The following DNMT3L variants were observed in gnomAD, a reference collection of about 807,000 sequenced individuals.
The protein encoded by DNMT3L is DNA (cytosine-5)-methyltransferase 3-like.
Under a neutral mutation model 36.2 loss-of-function variants are expected in DNMT3L, and 33 were observed. The observed-to-expected ratio is 0.91, with a 90% CI of 0.69 to 1.22. The LOEUF (loss-of-function observed/expected upper bound fraction) is 1.22. Ranked by LOEUF, DNMT3L falls within the 50% of genes most tolerant of loss-of-function variation. DNMT3L has a pLI of 0.00. For synonymous variants in DNMT3L, 117 were observed against 121.7 expected, an observed-to-expected ratio of 0.96 and a Z score of 0.26; for missense variants, 310 against 303.1, an observed-to-expected ratio of 1.02 and a Z score of -0.17.
intron 3 of DNMT3L, 122 bp downstream of exon 3, chr21:44,260,673 G>C (rs2040309252): frequency 7.8e-7 from 1 of 1,285,634 alleles, no homozygotes; most frequent in African/African-American, 1.5e-5. Context: ...GCCTAGGCTG[G>C]TCTCAAACTC....
chr21:44,256,717 G>A (rs1415547257), intron 6 of DNMT3L, among the ~76,000 whole-genome samples: 16 of 152,062 alleles, frequency 1.1e-4, no homozygotes, highest in Non-Finnish European at 2.4e-4. Flanking sequence ...GGTGAGCCTC[G>A]GGGCAGGTGA....
intron 8 of DNMT3L, among the ~76,000 whole-genome samples, chr21:44,254,416 G>A (rs1568914659): frequency 6.6e-6 from 1 of 152,230 alleles, no homozygotes; most frequent in Admixed American, 6.5e-5. Context: ...GGGCATCACA[G>A]TGGTGGCTGG....
intron 8 of DNMT3L, among the ~76,000 whole-genome samples, chr21:44,253,580 A>G (rs974185404): frequency 5.3e-5 from 8 of 152,126 alleles, no homozygotes; most frequent in African/African-American, 1.4e-4. Flanking sequence ...TTAGCTGGGC[A>G]TGGTGGCGGG....
chr21:44,256,501 G>C (rs1246978479), intron 6 of DNMT3L, among the ~76,000 whole-genome samples: 1 of 145,902 alleles, frequency 6.9e-6, no homozygotes, highest in Non-Finnish European at 1.5e-5. Context: ...TTGGCTCACT[G>C]CAACTTTCCG....
chr21:44,259,799 G>A (rs2040300552), intron 3 of DNMT3L, 88 bp from the exon 4 acceptor site: 1 of 1,389,016 alleles, frequency 7.2e-7, no homozygotes, highest in African/African-American at 1.4e-5. Context: ...AAACAAATAT[G>A]AGACTTATAC....
intron 2 of DNMT3L, 111 bp downstream of exon 2, chr21:44,261,043 C>T (rs371362613): frequency 1.4e-6 from 2 of 1,435,304 alleles, no homozygotes; most frequent in South Asian, 1.2e-5. Context: ...CTGCCCCAGC[C>T]CGGGTGCCTG....
chr21:44,260,042 G>T (rs956467553), intron 3 of DNMT3L, among the ~76,000 whole-genome samples: 2 of 110,360 alleles, frequency 1.8e-5, no homozygotes, highest in African/African-American at 4.1e-5. Flanking sequence ...GAGTGAGAGT[G>T]TGTCTCAAAA....
In DNMT3L at chr21:44,258,661, G is replaced by A. The variant is rs149547612; in HGVS notation, c.378C>T (p.Val126=). The stretch of plus-strand genomic sequence containing the variant: ...GCACCTTCCCCGAGGTCCCGGGGCC[G>A]ACCAGGCTATCCACACACTCGAAGC... ...CYCFECVDSL[V]GPGTSGKVHA... Residue 126 remains valine (V), a synonymous_variant, in exon 6 of 12, where the codon GTC becomes GTT. Transcript: ENST00000628202. This position sits in a 1 kb window ranked among gnomAD's most constrained non-coding sequence, Gnocchi z 6.2. The A allele has an allele frequency of 1.7e-5, 28 of 1,612,858 alleles. No homozygotes were observed. Among genetic ancestry groups the A allele is most frequent in the East Asian group, 1.3e-4 (6 of 44,878 alleles).
At chr21:44,257,700 AT>A (rs1288425367) in intron 6 of DNMT3L, among the ~76,000 whole-genome samples, 5,817 of 60,142 alleles carry the variant, frequency 0.097, 231 homozygotes, top group African/African-American at 0.18. Flanking sequence ...AAAAAAATAA[AT>A]AAATAAATAA....
chr21:44,258,725 A>C lies in DNMT3L; in HGVS notation c.345-31T>G, dbSNP rs761478896. ...GCCAGACAGAAAACCACAGCAGCGG[A>C]CATGACAGCCCACCTCTCCTGAGGA... On this transcript the variant is annotated intron_variant, in intron 5 of 11. Transcript: ENST00000628202. The surrounding 1 kb of genome is among the most constrained non-coding windows in gnomAD (Gnocchi z 6.2). 1.2e-6 allele frequency: 2 copies of C among 1,604,124 alleles called. No homozygotes were observed. Among genetic ancestry groups the C allele is most frequent in the African/African-American group, 2.7e-5 (2 of 74,756 alleles).
At chr21:44,254,213 C>T (rs1213087770) in intron 8 of DNMT3L, among the ~76,000 whole-genome samples, 3 of 152,234 alleles carry the variant, frequency 2.0e-5, no homozygotes, top group East Asian at 3.8e-4. Flanking sequence ...TCGGCCTCCT[C>T]ATTTTAGAGG....
chr21:44,254,733 A>G (rs942346275), intron 7 of DNMT3L, 28 bp from the exon 8 acceptor site: 1 of 1,612,884 alleles, frequency 6.2e-7, no homozygotes, highest in Non-Finnish European at 8.5e-7. Context: ...AGAAGGGCCC[A>G]GAGGGTGAGC....
At chr21:44,259,354 C>T in intron 5 of DNMT3L, 83 bp downstream of exon 5, 1 of 1,405,438 alleles carries the variant, frequency 7.1e-7, no homozygotes, top group Non-Finnish European at 9.9e-7. Context: ...GGAAGAAAAT[C>T]CACCCACACT....
At chr21:44,253,242 G>A (rs2040233093) in intron 8 of DNMT3L, among the ~76,000 whole-genome samples, 1 of 79,570 alleles carries the variant, frequency 1.3e-5, no homozygotes, top group African/African-American at 5.3e-5. Flanking sequence ...TAGCTCCCTG[G>A]GGACCACAGA....
intron 3 of DNMT3L, 37 bp downstream of exon 3, chr21:44,260,758 T>A: frequency 6.2e-7 from 1 of 1,612,904 alleles, no homozygotes. Context: ...GTGCCCCGTC[T>A]CTTTTGTCTG....
At chr21:44,257,852 C>T (rs1387152869) in intron 6 of DNMT3L, among the ~76,000 whole-genome samples, 1 of 152,172 alleles carries the variant, frequency 6.6e-6, no homozygotes, top group African/African-American at 2.4e-5. Flanking sequence ...ACGTGCCAGG[C>T]CTCTCCCCCA....
At chr21:44,261,463 G>A (rs572366785) in intron 1 of DNMT3L, among the ~76,000 whole-genome samples, 197 bp from the exon 2 acceptor site, 11 of 152,204 alleles carry the variant, frequency 7.2e-5, no homozygotes, top group Non-Finnish European at 1.3e-4. Context: ...GCCCTGAGAG[G>A]GGCTCAAGGG....
chr21:44,254,682 C>G lies in DNMT3L; in HGVS notation c.628G>C (p.Glu210Gln). The G allele has an allele frequency of 6.2e-7, 1 of 1,613,966 alleles. No individual in the cohort carries two copies. Among genetic ancestry groups the G allele is most frequent in the Non-Finnish European group, 8.5e-7 (1 of 1,179,962 alleles). The change falls in exon 8 of 12, where the codon GAA becomes CAA. Residue 210 changes from glutamate to glutamine, a missense_variant. Coordinates refer to ENST00000628202, the MANE Select transcript of DNMT3L (RefSeq NM_175867.3). ...AGTTGTCCCGGGTCAGAACCACTTTCCAAAAAGCCCAAACTCGTCAGCTCT... is the reference window on the plus strand; with the variant it reads ...AGTTGTCCCGGGTCAGAACCACTTTGCAAAAAGCCCAAACTCGTCAGCTCT... The part of the protein sequence containing the change: ...KKELTSLGFL[E>Q]SGSDPGQLKH...
Position 44,254,804 on chromosome 21 carries a change from C to A in DNMT3L, c.605-99G>T, listed in dbSNP as rs1453427757. The A allele has an allele frequency of 2.6e-6, 3 of 1,147,206 alleles. No individual in the cohort carries two copies. The African/African-American group carries it at 4.7e-5, about 18-fold the overall frequency. 71.1% of individuals were successfully genotyped at this position (1,147,206 alleles called of 1,614,324 possible). ...ACGGACGATCAGAGGACCCTCCTACCATTAAGGAGCCAACTGTATATTTTT... is the reference window on the plus strand; with the variant it reads ...ACGGACGATCAGAGGACCCTCCTACAATTAAGGAGCCAACTGTATATTTTT... On this transcript the variant is annotated intron_variant, in intron 7 of 11. Transcript: ENST00000628202.
Sources: gnomAD v4.1 joint callset for allele counts (sites outside exome capture counted in the v4.1 genomes callset) on GRCh38, gnomAD v4.1.1 for gene constraint, Gnocchi (gnomAD v3.1) non-coding constraint, MANE v1.5 for transcripts, NCBI Gene and HGNC (gene_info 2026-07-23, HGNC 2026-07-21) for gene names.